The following MMP26 variants were observed in gnomAD, a reference collection of about 807,000 sequenced individuals.
MMP26 encodes matrix metallopeptidase 26, also known as matrix metalloproteinase-26.
MMP26 carries 33 observed loss-of-function variants against 31.0 expected under a neutral mutation model. The ratio of observed to expected loss-of-function variants is 1.06; its 90% confidence interval spans 0.81 to 1.42. The LOEUF is 1.42. Among genes scored for constraint, MMP26 ranks in the 40% most tolerant of loss-of-function variants. The pLI is 0.00. For synonymous variants in MMP26, 122 were observed against 114.9 expected, an observed-to-expected ratio of 1.06 and a Z score of -0.40; for missense variants, 347 against 316.1, an observed-to-expected ratio of 1.10 and a Z score of -0.74.
intron 2 of MMP26, chr11:4,915,527 C>T: frequency 6.2e-7 from 1 of 1,614,022 alleles, no homozygotes; most frequent in Non-Finnish European, 8.5e-7. Context: ...TGTGCAGTTG[C>T]CCGGGATGGA....
chr11:4,985,273 A>C lies in MMP26; in HGVS notation c.-144-2795A>C, dbSNP rs575241091. 5.3e-5 allele frequency among the ~76,000 whole-genome samples: 8 copies of C among 152,320 alleles called. No individual in the cohort carries two copies. In the South Asian group the frequency reaches 1.0e-3, roughly 20 times the overall value. On this transcript the variant is annotated intron_variant, in intron 2 of 7. Transcript: ENST00000380390. ...GTTTATTAATCTTTGAAATGAGAAT[A>C]TAATAAGGTCTATATCACCATGAGA...
Position 4,952,786 on chromosome 11 carries a change from C to G in MMP26, c.-144-35282C>G, listed in dbSNP as rs1846387172. 1.6e-5 allele frequency among the ~76,000 whole-genome samples: 2 copies of G among 124,442 alleles called. 1 individual carries two copies. Among genetic ancestry groups the G allele is most frequent in the Admixed American group, 1.8e-4 (2 of 11,176 alleles). The allele number at this position is 124,442 out of a possible 152,430, so 81.6% of individuals were successfully genotyped here. On this transcript the variant is annotated intron_variant, in intron 2 of 7. Coordinates refer to ENST00000380390, the MANE Select transcript of MMP26 (RefSeq NM_021801.5). ...GTGAAAAATAGCTTTTTTAAAATGC[C>G]TAAAAATACCTGGAAGCACATCGTG...
At chr11:4,983,507 T>C (rs1168953287) in intron 2 of MMP26, among the ~76,000 whole-genome samples, 1 of 152,122 alleles carries the variant, frequency 6.6e-6, no homozygotes, top group Non-Finnish European at 1.5e-5. Context: ...AATTACGTTT[T>C]CTCATTTCTT....
chr11:4,880,495 G>A (rs765517891), intron 2 of MMP26, among the ~76,000 whole-genome samples: 48 of 151,964 alleles, frequency 3.2e-4, no homozygotes, highest in Admixed American at 2.0e-3. Context: ...AGAAAGAAGA[G>A]AAAAAGGCAA....
chr11:4,814,950 A>G (rs1438276890), intron 2 of MMP26, among the ~76,000 whole-genome samples: 2 of 152,210 alleles, frequency 1.3e-5, no homozygotes, highest in African/African-American at 2.4e-5. Flanking sequence ...CTTGTGCCCA[A>G]CAGAGTCAGG....
rs113028061 is a variant in MMP26 at position 4,848,428 on chromosome 11, G to T, written c.-145+81087G>T. 7.9e-3 allele frequency: 12,671 copies of T among 1,613,864 alleles called. 62 individuals carry two copies. The highest frequency in any genetic ancestry group is 0.012 in the Middle Eastern group (73 of 6,060). On this transcript the variant is annotated intron_variant, in intron 2 of 7. Coordinates refer to ENST00000380390, the MANE Select transcript of MMP26 (RefSeq NM_021801.5). ...TTAATCAGTGCCAGGAGGATCATAG[G>T]GATATAGAAGAGGAGCACTGCAGAG...
intron 1 of MMP26, among the ~76,000 whole-genome samples, chr11:4,757,064 A>G (rs1418869196): frequency 1.3e-5 from 2 of 152,134 alleles, no homozygotes; most frequent in Non-Finnish European, 2.9e-5. Flanking sequence ...GAAATAGAAG[A>G]AACAACCTGG....
chr11:4,912,111 A>G (rs1589936672), intron 2 of MMP26, among the ~76,000 whole-genome samples: 1 of 152,256 alleles, frequency 6.6e-6, no homozygotes, highest in East Asian at 1.9e-4. Context: ...GTTTTATGTT[A>G]GGAATTAAAG....
intron 2 of MMP26, among the ~76,000 whole-genome samples, chr11:4,798,647 C>G (rs1012226225): frequency 1.3e-5 from 2 of 152,018 alleles, no homozygotes; most frequent in Admixed American, 6.6e-5. Context: ...CTGACACACA[C>G]CAGATCATTA....
At chr11:4,842,261 TG>T (rs1307299120) in intron 2 of MMP26, among the ~76,000 whole-genome samples, 1 of 152,224 alleles carries the variant, frequency 6.6e-6, no homozygotes, top group African/African-American at 2.4e-5. Context: ...AGTGTTAAGT[TG>T]TTATTAGGTT....
chr11:4,906,917 C>T (rs1564804192), intron 2 of MMP26, among the ~76,000 whole-genome samples: 1 of 151,618 alleles, frequency 6.6e-6, no homozygotes, highest in Non-Finnish European at 1.5e-5. Flanking sequence ...TGGTGAAAAC[C>T]CATCTCTACT....
chr11:4,824,480 G>A (rs1197312985), intron 2 of MMP26, among the ~76,000 whole-genome samples: 1 of 152,112 alleles, frequency 6.6e-6, no homozygotes, highest in Non-Finnish European at 1.5e-5. Flanking sequence ...CATTTCCACA[G>A]AAGCATCTTT....
intron 2 of MMP26, chr11:4,803,734 A>G (rs997897309): frequency 1.9e-6 from 3 of 1,613,892 alleles, no homozygotes; most frequent in Non-Finnish European, 2.5e-6. Flanking sequence ...CATACCAATG[A>G]CAATCATATC....
intron 2 of MMP26, among the ~76,000 whole-genome samples, chr11:4,986,947 C>CTCTCTT (rs1846906985): frequency 6.9e-6 from 1 of 145,544 alleles, no homozygotes; most frequent in Non-Finnish European, 1.5e-5. Context: ...CTCTCTCTCT[C>CTCTCTT]TCTCTCTCTC....
intron 2 of MMP26, among the ~76,000 whole-genome samples, chr11:4,941,352 A>ATG (rs1410693170): frequency 1.3e-5 from 2 of 152,204 alleles, no homozygotes; most frequent in South Asian, 2.1e-4. Flanking sequence ...CTAATTAGAT[A>ATG]TGTGGAAATT....
chr11:4,822,194 T>G, intron 2 of MMP26: 1 of 1,600,680 alleles, frequency 6.2e-7, no homozygotes, highest in Non-Finnish European at 8.5e-7. Context: ...CTCCCTCTCA[T>G]CAGTTTGTCT....
intron 2 of MMP26, chr11:4,803,501 T>C: frequency 6.2e-7 from 1 of 1,614,006 alleles, no homozygotes; most frequent in South Asian, 1.1e-5. Flanking sequence ...ACTCCATAAA[T>C]GATGGGGTTG....
At chr11:4,915,286 G>T (rs1292556582) in intron 2 of MMP26, 1 of 1,614,032 alleles carries the variant, frequency 6.2e-7, no homozygotes, top group South Asian at 1.1e-5. Context: ...CCACAAAGCG[G>T]TCAAAGGCCA....
intron 1 of MMP26, among the ~76,000 whole-genome samples, chr11:4,758,902 A>G (rs899801187): frequency 1.3e-5 from 2 of 152,000 alleles, no homozygotes; most frequent in East Asian, 3.8e-4. Flanking sequence ...ACCTGAGGTC[A>G]CGAGTTCGAG....
Sources: allele counts gnomAD v4.1 joint callset (sites outside exome capture counted in the v4.1 genomes callset), GRCh38; gene constraint gnomAD v4.1.1; transcripts MANE v1.5; gene names NCBI Gene and HGNC (gene_info 2026-07-23, HGNC 2026-07-21).